COL22A1: variants seen among roughly 807,000 people sequenced by gnomAD.
COL22A1 encodes collagen alpha-1(XXII) chain.
Under a neutral mutation model 248.9 loss-of-function variants are expected in COL22A1, and 221 were observed. The observed-to-expected ratio is 0.89, with a 90% CI of 0.80 to 0.99. The LOEUF is 0.99. COL22A1 is among the 50% of genes least tolerant of loss of function. The pLI is 0.00. For missense variants in COL22A1, 2,240 were observed against 2,179.0 expected, an observed-to-expected ratio of 1.03 and a Z score of -0.56; for synonymous variants, 891 against 793.4, an observed-to-expected ratio of 1.12 and a Z score of -2.07.
chr8:138,616,100 A>C (rs1819298181), intron 54 of COL22A1, 46 bp from the exon 55 acceptor site: 2 of 1,515,776 alleles, frequency 1.3e-6, no homozygotes, highest in South Asian at 1.1e-5. Context: ...TGCTTCAGCC[A>C]CTGGCTGTCT....
chr8:138,739,931 G>GA (rs1011250566), intron 22 of COL22A1, among the ~76,000 whole-genome samples: 3 of 152,188 alleles, frequency 2.0e-5, no homozygotes, highest in Non-Finnish European at 2.9e-5. Flanking sequence ...TTGCCAGGTA[G>GA]AATTCAAGAT....
intron 55 of COL22A1, among the ~76,000 whole-genome samples, chr8:138,615,487 C>T (rs781450690): frequency 6.7e-6 from 1 of 149,062 alleles, no homozygotes; most frequent in Non-Finnish European, 1.5e-5. Flanking sequence ...GATGAGATCA[C>T]GCCAATGCAC....
chr8:138,821,304 G>A lies in COL22A1; in HGVS notation c.1077C>T (p.Leu359=), dbSNP rs34997687. 232 of 1,614,212 alleles carry A rather than the reference G, an allele frequency of 1.4e-4. 1 individual carries two copies. The African/African-American group carries it at 2.6e-3, about 18-fold the overall frequency. The change falls in exon 7 of 65, where the codon CTC becomes CTT. Residue 359 remains leucine (L), a synonymous_variant. Coordinates refer to ENST00000303045, the MANE Select transcript of COL22A1 (RefSeq NM_152888.3). ...VVFRGSRVND[L]FDRDWHKMAL... ...CCATCTTGTGCCAGTCCCGGTCAAAGAGGTCATTGACCCGAGAACCTCGGA... is the reference window on the plus strand; with the variant it reads ...CCATCTTGTGCCAGTCCCGGTCAAAAAGGTCATTGACCCGAGAACCTCGGA...
intron 41 of COL22A1, among the ~76,000 whole-genome samples, chr8:138,674,712 C>T (rs1359250111): frequency 2.6e-5 from 4 of 152,116 alleles, no homozygotes; most frequent in African/African-American, 7.2e-5. Flanking sequence ...GACAGGGTCA[C>T]GTAGAACCCT....
rs1819377113 is a variant in COL22A1, at chr8:138,616,924, G to A, written c.3860C>T (p.Pro1287Leu). The change falls in exon 54 of 65, where the codon CCC becomes CTC. Residue 1287 changes from proline (P) to leucine (L), a missense_variant. Physicochemically the swap from Pro to Leu is moderately conservative, Grantham distance 98. Transcript: ENST00000303045. ...FKGHTGDSGA[P>L]GPRGESGAMG... is the part of the protein sequence containing the mutation. ...GAGGCGCCCACTTACCCGGGGACCG[G>A]GTGCACCAGAATCGCCTGTGTGTCC... The A allele has an allele frequency of 8.1e-6, 13 of 1,614,162 alleles. No individual in the cohort carries two copies. Among genetic ancestry groups the A allele is most frequent in the Non-Finnish European group, 1.1e-5 (13 of 1,180,032 alleles).
chr8:138,908,418 C>T (rs766199579), intron 1 of COL22A1, among the ~76,000 whole-genome samples: 7 of 152,198 alleles, frequency 4.6e-5, no homozygotes, highest in Non-Finnish European at 7.4e-5. Context: ...AAATTTAAAA[C>T]ATTCTAACAA....
In COL22A1 at chr8:138,700,988, C is replaced by CAAAA. The variant is rs5895554; in HGVS notation, c.2560-848_2560-845dup. ...TGGGCGACACAGCGAGACTCCGTCT[C>CAAAA]AAAAAAAAAAAAAAAAAAAAAAAGG... On this transcript the variant is annotated intron_variant, in intron 31 of 64. Transcript: ENST00000303045. Among the ~76,000 whole-genome samples the CAAAA allele has an allele frequency of 4.2e-3, 227 of 54,612 alleles. 18 individuals carry two copies. Among genetic ancestry groups the CAAAA allele is most frequent in the Admixed American group, 5.6e-3 (22 of 3,948 alleles). The allele number at this position is 54,612 out of a possible 152,430, so 35.8% of individuals were successfully genotyped here. A position where few individuals can be genotyped will look rare whatever the true frequency, so the allele number is the denominator to read the frequency against.
intron 41 of COL22A1, among the ~76,000 whole-genome samples, chr8:138,673,567 A>C (rs1564176022): frequency 6.6e-6 from 1 of 152,186 alleles, no homozygotes; most frequent in Non-Finnish European, 1.5e-5. Context: ...GATTAATGGA[A>C]ATGAATAAAT....
Position 138,812,148 on chromosome 8 carries a change from G to A in COL22A1, c.1327-227C>T, listed in dbSNP as rs150997616. ...TGAACCGCCCACAGTCTCACACCTC[G>A]CAAGTGCTCAACAGTTCCCGCTGTC... is the stretch of plus-strand genomic sequence containing the variant. On this transcript the variant is annotated intron_variant, in intron 8 of 64. Coordinates refer to ENST00000303045, the MANE Select transcript of COL22A1 (RefSeq NM_152888.3). Among the ~76,000 whole-genome samples the A allele has an allele frequency of 3.3e-3, 505 of 152,262 alleles. 12 individuals carry two copies. Among genetic ancestry groups the A allele is most frequent in the Admixed American group, 0.026 (403 of 15,296 alleles).
chr8:138,673,698 C>T (rs563352201), intron 41 of COL22A1, among the ~76,000 whole-genome samples: 2 of 152,258 alleles, frequency 1.3e-5, no homozygotes, highest in South Asian at 4.1e-4. Context: ...GTAGCATTGG[C>T]CACATCATGT....
intron 23 of COL22A1, among the ~76,000 whole-genome samples, chr8:138,728,283 C>G (rs1830468139): frequency 6.6e-6 from 1 of 152,064 alleles, no homozygotes; most frequent in African/African-American, 2.4e-5. Context: ...TCTGCCTCAG[C>G]CTCCCAAAGC....
At chr8:138,625,255 G>A (rs1820141577) in intron 51 of COL22A1, among the ~76,000 whole-genome samples, 1 of 152,118 alleles carries the variant, frequency 6.6e-6, no homozygotes, top group African/African-American at 2.4e-5. Context: ...CGAAAGAAGG[G>A]AAGAGGCATC....
chr8:138,652,352 GCCTGACACTGT>G (rs1203495117), intron 45 of COL22A1, among the ~76,000 whole-genome samples: 1 of 152,216 alleles, frequency 6.6e-6, no homozygotes, highest in Non-Finnish European at 1.5e-5. Flanking sequence ...AATGGAAAAT[GCCTGACACTGT>G]CCTGACACAG....
chr8:138,819,128 T>C (rs1488758349), intron 7 of COL22A1, among the ~76,000 whole-genome samples: 2 of 152,228 alleles, frequency 1.3e-5, no homozygotes, highest in African/African-American at 4.8e-5. Flanking sequence ...TTTATCATTC[T>C]GTTAACAAAG....
At chr8:138,617,387 T>C (rs972904568) in intron 53 of COL22A1, among the ~76,000 whole-genome samples, 10 of 152,106 alleles carry the variant, frequency 6.6e-5, no homozygotes, top group African/African-American at 2.4e-4. Flanking sequence ...CCCTTCCTTG[T>C]TCCTGTGGCC....
intron 30 of COL22A1, among the ~76,000 whole-genome samples, chr8:138,711,131 G>A (rs896246783): frequency 3.9e-5 from 6 of 152,160 alleles, no homozygotes; most frequent in African/African-American, 1.4e-4. Flanking sequence ...AAGGATCAAT[G>A]GGTGTTAGGG....
intron 3 of COL22A1, among the ~76,000 whole-genome samples, chr8:138,859,520 T>C (rs116443628): frequency 0.016 from 2,470 of 152,256 alleles, 62 homozygotes; most frequent in African/African-American, 0.056. Flanking sequence ...GACAGCCAGA[T>C]GTCTGTGAGG....
rs187725104 is a variant in COL22A1, at chr8:138,667,506, C to T, written c.3151-3766G>A. ...AACACATCAAATGTGTTTATATCCC[C>T]GAGTTCAAAATTATTCTTAGAACAA... On this transcript the variant is annotated intron_variant, in intron 41 of 64. Transcript: ENST00000303045. 3.6e-3 allele frequency among the ~76,000 whole-genome samples: 547 copies of T among 152,174 alleles called. 7 individuals carry two copies. The highest frequency in any genetic ancestry group is 0.012 in the African/African-American group (506 of 41,510).
chr8:138,654,073 A>G (rs1587774298), intron 45 of COL22A1, among the ~76,000 whole-genome samples: 1 of 152,168 alleles, frequency 6.6e-6, no homozygotes, highest in Non-Finnish European at 1.5e-5. Flanking sequence ...TCTCAGTGCT[A>G]TGGCCGTGAG....
Sources: allele counts gnomAD v4.1 joint callset (sites outside exome capture counted in the v4.1 genomes callset), GRCh38; gene constraint gnomAD v4.1.1; transcripts MANE v1.5; gene names NCBI Gene and HGNC (gene_info 2026-07-23, HGNC 2026-07-21).